The following LOC400499 variants were observed in gnomAD, a reference collection of about 807,000 sequenced individuals.
the LOC400499 span, chr16:11,384,356 G>T: frequency 4.3e-6 from 5 of 1,171,768 alleles, no homozygotes; most frequent in Admixed American, 4.2e-5. Flanking sequence ...GAGGCCGGCC[G>T]TAAGACCCTG....
chr16:11,393,164 C>CCCCCTTT, the LOC400499 span, among the ~76,000 whole-genome samples: 1 of 115,066 alleles, frequency 8.7e-6, no homozygotes, highest in African/African-American at 2.9e-5. Context: ...ACCCCCCCCC[C>CCCCCTTT]TTTTTTTTAA....
the LOC400499 span, among the ~76,000 whole-genome samples, chr16:11,400,552 C>T: frequency 1.1e-4 from 16 of 152,208 alleles, no homozygotes; most frequent in Admixed American, 2.0e-4. Context: ...ACGATCCTCC[C>T]GCCTCAGCCT....
the LOC400499 span, among the ~76,000 whole-genome samples, chr16:11,519,720 T>C: frequency 1.3e-5 from 2 of 152,010 alleles, no homozygotes; most frequent in African/African-American, 4.8e-5. Flanking sequence ...TTTTTTTTTT[T>C]TTGAGATGGA....
chr16:11,440,836 A>G, the LOC400499 span: 1 of 398,946 alleles, frequency 2.5e-6, no homozygotes, highest in Non-Finnish European at 4.4e-6. Context: ...GGCCTGGGGG[A>G]AGCTCAGCTG....
At chr16:11,451,501 G>C in the LOC400499 span, among the ~76,000 whole-genome samples, 23 of 152,230 alleles carry the variant, frequency 1.5e-4, no homozygotes, top group Admixed American at 3.3e-4. Context: ...TGCAGTGGCT[G>C]TAATGGTGCA....
the LOC400499 span, among the ~76,000 whole-genome samples, chr16:11,386,459 G>C: frequency 4.2e-3 from 640 of 152,360 alleles, 4 homozygotes; most frequent in African/African-American, 0.015. Flanking sequence ...GCTTAGACAT[G>C]ACTGCGCCCA....
At chr16:11,439,464 ATCT>A in the LOC400499 span, 1 of 398,858 alleles carries the variant, frequency 2.5e-6, no homozygotes, top group Non-Finnish European at 4.4e-6. Context: ...AGTCAAGGTC[ATCT>A]CCAAGGGAGC....
the LOC400499 span, among the ~76,000 whole-genome samples, chr16:11,459,720 A>AC: frequency 6.6e-6 from 1 of 152,032 alleles, no homozygotes; most frequent in Non-Finnish European, 1.5e-5. Context: ...AGTGTTTCTC[A>AC]CCCCTGGGGA....
chr16:11,392,575 T>C, the LOC400499 span: 2 of 398,090 alleles, frequency 5.0e-6, no homozygotes, highest in Non-Finnish European at 8.8e-6. Context: ...CCGCTTTCCG[T>C]AGCTCCCCAC....
chr16:11,387,081 G>A, the LOC400499 span: 44 of 1,232,028 alleles, frequency 3.6e-5, no homozygotes, highest in African/African-American at 5.6e-4. Flanking sequence ...TCTCAGGGAG[G>A]AGGGCGGCAC....
chr16:11,468,303 A>C, the LOC400499 span, among the ~76,000 whole-genome samples: 1 of 152,124 alleles, frequency 6.6e-6, no homozygotes, highest in Non-Finnish European at 1.5e-5. Context: ...GCTTTAACTT[A>C]CAAGTTATAC....
the LOC400499 span, chr16:11,425,008 A>C: frequency 1.0e-5 from 4 of 397,550 alleles, no homozygotes; most frequent in Non-Finnish European, 1.3e-5. Flanking sequence ...CCAGCAGGGG[A>C]AAGAAATGAA....
At chr16:11,410,825 G>T in the LOC400499 span, among the ~76,000 whole-genome samples, 1 of 152,240 alleles carries the variant, frequency 6.6e-6, no homozygotes, top group Non-Finnish European at 1.5e-5. Context: ...GAGGAACCTG[G>T]CCTAAGACTA....
chr16:11,469,249 T>C, the LOC400499 span: 1 of 399,166 alleles, frequency 2.5e-6, no homozygotes, highest in South Asian at 1.3e-4. Context: ...AGAGCCTCCA[T>C]CTTTCCTGGG....
the LOC400499 span, among the ~76,000 whole-genome samples, chr16:11,466,928 T>C: frequency 2.7e-5 from 4 of 149,850 alleles, no homozygotes; most frequent in Non-Finnish European, 5.9e-5. Context: ...GTATTGTGTG[T>C]GTGTGTGTGT....
At chr16:11,383,689 TGGATGTAGGCGGCCGCCA>T in the LOC400499 span, 4 of 1,232,178 alleles carry the variant, frequency 3.2e-6, no homozygotes, top group Non-Finnish European at 4.0e-6. Flanking sequence ...GGCACACAGG[TGGATGTAGGCGGCCGCCA>T]GGTTGCAGGC....
At chr16:11,483,709 T>A in the LOC400499 span, among the ~76,000 whole-genome samples, 79,830 of 145,284 alleles carry the variant, frequency 0.55, 22,527 homozygotes, top group African/African-American at 0.71. Flanking sequence ...GTACAACTTT[T>A]AAAAAAAAAA....
chr16:11,507,290 GTGA>G, the LOC400499 span, among the ~76,000 whole-genome samples: 1 of 152,192 alleles, frequency 6.6e-6, no homozygotes, highest in Non-Finnish European at 1.5e-5. Flanking sequence ...ACTGCAGGTG[GTGA>G]TGATGGTGGT....
the LOC400499 span, among the ~76,000 whole-genome samples, chr16:11,444,441 C>T: frequency 6.6e-6 from 1 of 152,092 alleles, no homozygotes; most frequent in African/African-American, 2.4e-5. Context: ...AACTACAGCC[C>T]CTGGTCCAAA....
Sources: allele counts gnomAD v4.1 joint callset (sites outside exome capture counted in the v4.1 genomes callset), GRCh38; gene constraint gnomAD v4.1.1; transcripts MANE v1.5.